Variants in FARP2 observed in about 807,000 individuals in gnomAD.
The protein encoded by FARP2 is FERM, ARHGEF and pleckstrin domain-containing protein 2.
In FARP2, 111 loss-of-function variants were observed where a neutral mutation model predicts 130.5. The observed-to-expected ratio is 0.85, with a 90% confidence interval of 0.73 to 1.00. The LOEUF (loss-of-function observed/expected upper bound fraction) is 1.00. Among genes scored for constraint, FARP2 ranks in the 50% least tolerant of loss-of-function variants. The pLI, the probability that FARP2 is intolerant of heterozygous loss-of-function variation, is 0.00. For synonymous variants in FARP2, 504 were observed against 516.9 expected, an observed-to-expected ratio of 0.98 and a Z score of 0.34; for missense variants, 1,385 against 1,346.3, an observed-to-expected ratio of 1.03 and a Z score of -0.45.
At chr2:241,399,732 G>A (rs1444391621) in intron 2 of FARP2, among the ~76,000 whole-genome samples, 1 of 152,106 alleles carries the variant, frequency 6.6e-6, no homozygotes, top group Non-Finnish European at 1.5e-5. Context: ...CAGTCTTTTG[G>A]GGGTGGGGGA....
intron 13 of FARP2, among the ~76,000 whole-genome samples, chr2:241,455,091 T>G (rs942488479): frequency 3.3e-5 from 5 of 152,236 alleles, no homozygotes; most frequent in Non-Finnish European, 7.3e-5. Flanking sequence ...CTAATCTGCC[T>G]GTACACTTAC....
intron 24 of FARP2, 139 bp from the exon 25 acceptor site, chr2:241,492,790 C>T (rs1936669328): frequency 1.7e-6 from 1 of 593,616 alleles, no homozygotes; most frequent in Admixed American, 2.9e-5. Context: ...GATAAAGCTG[C>T]TGTTCATAGC....
At chr2:241,491,473 G>A (rs1161379235) in intron 23 of FARP2, 43 bp from the exon 24 acceptor site, 3 of 1,608,314 alleles carry the variant, frequency 1.9e-6, no homozygotes, top group Admixed American at 3.3e-5. Flanking sequence ...GCAAGCAGAG[G>A]CCACAGGGGG....
Position 241,463,337 on chromosome 2 carries a change from G to T in FARP2, c.1680G>T (p.Trp560Cys). 6.2e-7 allele frequency: 1 copy of T among 1,613,942 alleles called. No homozygotes were observed. The highest frequency in any genetic ancestry group is 1.1e-5 in the South Asian group (1 of 91,066). ...YLKDLEVITVWFRSAVVKEDA... is the reference protein window; with the variant it reads ...YLKDLEVITVCFRSAVVKEDA... ...ATCACACCACACTCTTCCCACAGTG[G>T]TTCCGCAGCGCAGTGGTGAAGGAGG... Residue 560 changes from tryptophan to cysteine, a missense_variant and splice_region_variant, in exon 16 of 27, where the codon TGG (tryptophan) becomes TGT (cysteine). Physicochemically the swap from Trp to Cys is radical, Grantham distance 215. Transcript: ENST00000264042.
intron 16 of FARP2, 149 bp downstream of exon 16, chr2:241,463,617 G>A: frequency 1.2e-6 from 1 of 849,140 alleles, no homozygotes; most frequent in East Asian, 2.6e-5. Flanking sequence ...AGGTACAGAT[G>A]TAATAATACC....
At chr2:241,410,253 C>T (rs2062479533) in intron 5 of FARP2, among the ~76,000 whole-genome samples, 5 of 152,190 alleles carry the variant, frequency 3.3e-5, no homozygotes, top group Admixed American at 3.3e-4. Flanking sequence ...AAAAATTTCA[C>T]AGCCATGCTT....
intron 18 of FARP2, among the ~76,000 whole-genome samples, chr2:241,474,549 G>A (rs539339736): frequency 1.4e-3 from 220 of 151,818 alleles, no homozygotes; most frequent in Non-Finnish European, 2.1e-3. Flanking sequence ...CCAGCACTTT[G>A]GGAGGCCAAG....
chr2:241,404,721 AT>A, intron 3 of FARP2, 77 bp from the exon 4 acceptor site: 1 of 1,118,528 alleles, frequency 8.9e-7, no homozygotes. Flanking sequence ...TATTATAACC[AT>A]TTTTGTTTTT....
At chr2:241,490,290 C>T (rs2064860417) in intron 22 of FARP2, among the ~76,000 whole-genome samples, 1 of 152,216 alleles carries the variant, frequency 6.6e-6, no homozygotes, top group Admixed American at 6.5e-5. Flanking sequence ...GCTGTGGAGC[C>T]GCTCCCTCTG....
intron 18 of FARP2, among the ~76,000 whole-genome samples, chr2:241,473,775 G>T (rs2064378049): frequency 6.6e-6 from 1 of 152,236 alleles, no homozygotes; most frequent in African/African-American, 2.4e-5. Context: ...GGGAGAGCCA[G>T]GGGATGGGGG....
In FARP2 at chr2:241,494,128, C is replaced by T. The variant is rs2065038918; in HGVS notation, c.*3C>T. ...TGGTCAGGGGGAAGGAGGAATGACG[C>T]TCAACCTGCCCAGGTTTGGACACAA... On this transcript the variant is annotated 3_prime_UTR_variant, in exon 27 of 27. Transcript: ENST00000264042. The surrounding 1 kb of genome is among the most constrained non-coding windows in gnomAD (Gnocchi z 4.9). The T allele has an allele frequency of 6.8e-7, 1 of 1,460,030 alleles. No individual in the cohort carries two copies. The highest frequency in any genetic ancestry group is 9.1e-7 in the Non-Finnish European group (1 of 1,104,950). The allele number at this position is 1,460,030 out of a possible 1,614,324, so 90.4% of individuals were successfully genotyped here.
intron 1 of FARP2, among the ~76,000 whole-genome samples, chr2:241,356,857 T>A (rs1290094598): frequency 6.6e-6 from 1 of 152,248 alleles, no homozygotes; most frequent in Non-Finnish European, 1.5e-5. Context: ...GGAGGCATTT[T>A]GAGCCGTTTG....
At position 241,491,496 on chromosome 2, in the gene FARP2, C is replaced by T. The variant is rs143645500; in HGVS notation, c.2624-20C>T. 1.4e-4 allele frequency: 220 copies of T among 1,612,442 alleles called. No homozygotes were observed. The highest frequency in any genetic ancestry group is 8.5e-4 in the African/African-American group (64 of 75,026). On this transcript the variant is annotated intron_variant, in intron 23 of 26. Coordinates refer to ENST00000264042, the MANE Select transcript of FARP2 (RefSeq NM_014808.4). ...AGGCCACAGGGGGTTCCCCCTGAGA[C>T]GCTGCTGACTTCTCCCCAGGATCCC...
chr2:241,407,095 A>G (rs1337382909), intron 4 of FARP2, among the ~76,000 whole-genome samples: 5 of 152,238 alleles, frequency 3.3e-5, no homozygotes, highest in Non-Finnish European at 7.3e-5. Flanking sequence ...GGCGTGAGCC[A>G]CCGCGCCCAG....
intron 22 of FARP2, among the ~76,000 whole-genome samples, chr2:241,490,754 G>C (rs927319171): frequency 6.6e-6 from 1 of 152,192 alleles, no homozygotes; most frequent in South Asian, 2.1e-4. Context: ...TTGCATTTCA[G>C]CATCACAGAT....
chr2:241,427,540 T>C (rs1002711569), intron 8 of FARP2, among the ~76,000 whole-genome samples: 2 of 152,086 alleles, frequency 1.3e-5, no homozygotes, highest in African/African-American at 4.8e-5. Flanking sequence ...TATATGCAAA[T>C]ACTACACCAT....
intron 13 of FARP2, among the ~76,000 whole-genome samples, chr2:241,452,156 C>G (rs958762335): frequency 2.0e-5 from 3 of 152,190 alleles, no homozygotes; most frequent in African/African-American, 7.2e-5. Context: ...CCACAGAATT[C>G]AAAATTGCAG....
chr2:241,489,708 C>T, intron 21 of FARP2: 1 of 328,540 alleles, frequency 3.0e-6, no homozygotes, highest in South Asian at 9.1e-5. Context: ...GCTTGATTTT[C>T]AGCTAATAGT....
chr2:241,374,710 C>T (rs558125149), intron 2 of FARP2, among the ~76,000 whole-genome samples: 39 of 152,210 alleles, frequency 2.6e-4, no homozygotes, highest in African/African-American at 9.4e-4. Context: ...AACCTGGGTG[C>T]TTTTCTGAAG....
Sources: allele counts gnomAD v4.1 joint callset (sites outside exome capture counted in the v4.1 genomes callset), GRCh38; gene constraint gnomAD v4.1.1; non-coding constraint Gnocchi (gnomAD v3.1); transcripts MANE v1.5; gene names NCBI Gene and HGNC (gene_info 2026-07-23, HGNC 2026-07-21).